The following NPIPB11 variants were observed in gnomAD, a reference collection of about 807,000 sequenced individuals.
NPIPB11 encodes the protein nuclear pore complex-interacting protein family member B11.
Under a neutral mutation model 32.8 loss-of-function variants are expected in NPIPB11, and 17 were observed. That is an observed-to-expected ratio of 0.52 (90% CI 0.35 to 0.78). NPIPB11 has a LOEUF of 0.78. Among genes scored for constraint, NPIPB11 ranks in the 30% least tolerant of loss-of-function variants. The pLI is 0.01. For missense variants in NPIPB11, 537 were observed against 1,000.4 expected, an observed-to-expected ratio of 0.54 and a Z score of 6.25; for synonymous variants, 209 against 398.4, an observed-to-expected ratio of 0.52 and a Z score of 5.66.
At chr16:29,383,760 G>T (rs1479133737) in exon 8 of NPIPB11, 2 of 923,254 alleles carry the variant, frequency 2.2e-6, no homozygotes, top group Non-Finnish European at 2.9e-6. Context: ...CTCAGAAGGT[G>T]TCTTGAGATT....
chr16:29,406,445 C>G (rs1157823944), upstream of NPIPB11, among the ~76,000 whole-genome samples: 2 of 152,208 alleles, frequency 1.3e-5, no homozygotes, highest in Non-Finnish European at 2.9e-5. Context: ...TGGCTGGGCA[C>G]CGTCACTCAT....
chr16:29,391,864 G>A (rs1172263729), intron 3 of NPIPB11, among the ~76,000 whole-genome samples: 1 of 151,830 alleles, frequency 6.6e-6, no homozygotes, highest in Non-Finnish European at 1.5e-5. Context: ...GGGATTACAG[G>A]TGCCTGCTAC....
chr16:29,393,617 G>T (rs937993751), intron 3 of NPIPB11, among the ~76,000 whole-genome samples: 1 of 149,896 alleles, frequency 6.7e-6, no homozygotes, highest in Non-Finnish European at 1.5e-5. Flanking sequence ...CCACCCATAC[G>T]ATAGAACTAT....
chr16:29,397,659 G>A (rs1388069237), intron 2 of NPIPB11: 40 of 1,351,760 alleles, frequency 3.0e-5, no homozygotes, highest in Non-Finnish European at 3.9e-5. Flanking sequence ...GTCCTTTCAG[G>A]GCGCCCTGAG....
At chr16:29,393,750 T>TAAAC (rs966531134) in intron 3 of NPIPB11, among the ~76,000 whole-genome samples, 198 bp downstream of exon 3, 1 of 152,324 alleles carries the variant, frequency 6.6e-6, no homozygotes, top group South Asian at 2.1e-4. Context: ...GACATTCTAT[T>TAAAC]AAACAAACAG....
chr16:29,405,288 C>T (rs576803078), upstream of NPIPB11, among the ~76,000 whole-genome samples: 683 of 151,590 alleles, frequency 4.5e-3, 5 homozygotes, highest in Non-Finnish European at 7.4e-3. Flanking sequence ...AAATCTTCCC[C>T]ACCTCCTTTT....
chr16:29,397,474 G>A (rs1348575168), intron 2 of NPIPB11: 11 of 1,299,570 alleles, frequency 8.5e-6, no homozygotes, highest in African/African-American at 1.5e-5. Context: ...GCCCCCTAAA[G>A]TGCTGGGATT....
At chr16:29,389,367 T>TAA (rs1175211779) in intron 5 of NPIPB11, among the ~76,000 whole-genome samples, 13 of 58,624 alleles carry the variant, frequency 2.2e-4, no homozygotes, top group East Asian at 1.1e-3. Flanking sequence ...ATCTCAAAAT[T>TAA]AAAAAAAAAA....
chr16:29,405,325 G>C (rs887940158), upstream of NPIPB11, among the ~76,000 whole-genome samples: 1 of 151,704 alleles, frequency 6.6e-6, no homozygotes, highest in African/African-American at 2.4e-5. Flanking sequence ...CCAAATACTT[G>C]TTGAACAAAT....
chr16:29,393,822 T>G, intron 3 of NPIPB11, 126 bp downstream of exon 3: 1 of 1,234,988 alleles, frequency 8.1e-7, no homozygotes, highest in Non-Finnish European at 1.1e-6. Context: ...TGCTAATAAA[T>G]CATTTCCCTG....
chr16:29,392,296 C>T (rs891027051), intron 3 of NPIPB11, among the ~76,000 whole-genome samples: 1 of 151,914 alleles, frequency 6.6e-6, no homozygotes, highest in African/African-American at 2.4e-5. Flanking sequence ...GATGTCCCTG[C>T]TTAGGAGGTA....
exon 8 of NPIPB11, chr16:29,383,110 G>A (rs1963530355): frequency 1.3e-6 from 2 of 1,596,022 alleles, no homozygotes; most frequent in South Asian, 1.1e-5. Flanking sequence ...TGGAAGGGGA[G>A]TGAGCTGACG....
Position 29,393,941 on chromosome 16 carries a change from T to C in NPIPB11, c.249+7A>G. 1 of 1,585,510 alleles carries C rather than the reference T, an allele frequency of 6.3e-7. No individual in the cohort carries two copies. The highest frequency in any genetic ancestry group is 8.5e-7 in the Non-Finnish European group (1 of 1,173,006). ...AGTATACCTCTACAGAAAGTTAGTA[T>C]ACTCACCCAAAGGTAAACTATCCAG... On this transcript the variant is annotated splice_region_variant and intron_variant, in intron 3 of 7. Coordinates refer to ENST00000524087, the Ensembl canonical transcript of NPIPB11.
chr16:29,390,615 G>A (rs922969353), intron 3 of NPIPB11, among the ~76,000 whole-genome samples: 1 of 149,528 alleles, frequency 6.7e-6, no homozygotes, highest in Non-Finnish European at 1.5e-5. Flanking sequence ...TCACACCACT[G>A]CACTCCAGCC....
At chr16:29,401,789 A>G (rs1292224758) in intron 2 of NPIPB11, among the ~76,000 whole-genome samples, 7 of 152,082 alleles carry the variant, frequency 4.6e-5, no homozygotes, top group Non-Finnish European at 1.0e-4. Flanking sequence ...GACAGCTCCC[A>G]TATGGAGGCT....
At chr16:29,401,926 T>A (rs1964001383) in intron 2 of NPIPB11, among the ~76,000 whole-genome samples, 1 of 150,842 alleles carries the variant, frequency 6.6e-6, no homozygotes, top group African/African-American at 2.4e-5. Context: ...TGGGGCTGTT[T>A]CTTACCTACA....
At chr16:29,400,002 A>C (rs3867587) in intron 2 of NPIPB11, among the ~76,000 whole-genome samples, 1 of 151,964 alleles carries the variant, frequency 6.6e-6, no homozygotes, top group South Asian at 2.1e-4. Flanking sequence ...CCTTGAACCC[A>C]GGAGGTGGAG....
At chr16:29,382,284 T>C (rs1963513816) in exon 8 of NPIPB11, 2 of 1,598,566 alleles carry the variant, frequency 1.3e-6, no homozygotes, top group Non-Finnish European at 8.5e-7. Context: ...CCACAGACGC[T>C]CCCCGCAGAC....
At chr16:29,397,272 T>C (rs1489356668) in intron 2 of NPIPB11, among the ~76,000 whole-genome samples, 4 of 151,424 alleles carry the variant, frequency 2.6e-5, no homozygotes, top group Non-Finnish European at 5.9e-5. Flanking sequence ...AGCGGGGCCA[T>C]CTCGGCTCAC....
Sources: gnomAD v4.1 joint callset for allele counts (sites outside exome capture counted in the v4.1 genomes callset) on GRCh38, gnomAD v4.1.1 for gene constraint, MANE v1.5 for transcripts, NCBI Gene and HGNC (gene_info 2026-07-23, HGNC 2026-07-21) for gene names.